Variants in DCC observed in about 807,000 individuals in gnomAD.
DCC encodes the protein DCC netrin 1 receptor, also known as netrin receptor DCC.
Under a neutral mutation model 172.5 loss-of-function variants are expected in DCC, and 58 were observed. The ratio of observed to expected loss-of-function variants is 0.34; its 90% CI spans 0.27 to 0.42. DCC has a LOEUF of 0.42. Ranked by LOEUF, DCC falls within the 10% of genes least tolerant of loss-of-function variation. DCC has a pLI of 1.00. For synonymous variants in DCC, 709 were observed against 644.5 expected, an observed-to-expected ratio of 1.10 and a Z score of -1.52; for missense variants, 1,740 against 1,791.0, an observed-to-expected ratio of 0.97 and a Z score of 0.51.
Position 53,336,975 on chromosome 18 carries a change from G to T in DCC, c.2165-2738G>T, listed in dbSNP as rs73467218. 5.6e-3 allele frequency among the ~76,000 whole-genome samples: 858 copies of T among 152,286 alleles called. 7 individuals carry two copies. Among genetic ancestry groups the T allele is most frequent in the African/African-American group, 0.02 (813 of 41,554 alleles). On this transcript the variant is annotated intron_variant, in intron 14 of 28. Coordinates refer to ENST00000442544, the MANE Select transcript of DCC (RefSeq NM_005215.4). Reference sequence around the variant, plus strand: ...TTTCTAATGTTAAAAATTATTTTGAGGCTTGCCTCTAGGATTGAAACATTT... The same window carrying T: ...TTTCTAATGTTAAAAATTATTTTGATGCTTGCCTCTAGGATTGAAACATTT...
At chr18:53,522,556 G>A (rs777837592) in intron 27 of DCC, among the ~76,000 whole-genome samples, 4 of 152,062 alleles carry the variant, frequency 2.6e-5, no homozygotes, top group South Asian at 2.1e-4. Flanking sequence ...GCATGGTACT[G>A]GTACCAAAAC....
At chr18:52,767,102 G>C (rs1332958360) in intron 2 of DCC, among the ~76,000 whole-genome samples, 1 of 150,688 alleles carries the variant, frequency 6.6e-6, no homozygotes, top group Non-Finnish European at 1.5e-5. Context: ...TCCCCATCTA[G>C]GTGGGCCCTC....
intron 14 of DCC, among the ~76,000 whole-genome samples, chr18:53,331,446 A>G (rs2057528800): frequency 6.6e-6 from 1 of 152,184 alleles, no homozygotes; most frequent in Non-Finnish European, 1.5e-5. Context: ...ACAAAGTTCT[A>G]GTGAGGTTTT....
At chr18:52,494,083 T>A (rs929594539) in intron 1 of DCC, among the ~76,000 whole-genome samples, 1 of 152,162 alleles carries the variant, frequency 6.6e-6, no homozygotes, top group African/African-American at 2.4e-5. Context: ...TCACTTTTGA[T>A]GGCTATTTTT....
At position 52,752,172 on chromosome 18, in the gene DCC, A is replaced by C. The variant is rs1038717902; in HGVS notation, c.210A>C (p.Pro70=). Residue 70 remains proline (P), a synonymous_variant, in exon 2 of 29, where the codon CCA becomes CCC. Transcript: ENST00000442544. Reference sequence around the variant, plus strand: ...CCGCGGAGTCCGACCGAGGAGTTCCAGTGATCAAGTGGAAGAAAGATGGCA... The same window carrying C: ...CCGCGGAGTCCGACCGAGGAGTTCCCGTGATCAAGTGGAAGAAAGATGGCA... ...DCSAESDRGV[P]VIKWKKDGIH... is the part of the protein sequence containing the mutation. 6.2e-7 allele frequency: 1 copy of C among 1,614,170 alleles called. No homozygotes were observed. The highest frequency in any genetic ancestry group is 8.5e-7 in the Non-Finnish European group (1 of 1,180,032).
At chr18:52,614,843 T>C (rs966675812) in intron 1 of DCC, among the ~76,000 whole-genome samples, 6 of 152,242 alleles carry the variant, frequency 3.9e-5, no homozygotes, top group Admixed American at 6.5e-5. Flanking sequence ...CAGGGGAACA[T>C]GAGACATTTG....
chr18:53,429,896 C>T (rs10163836), intron 21 of DCC, among the ~76,000 whole-genome samples: 65,635 of 151,872 alleles, frequency 0.43, 15,959 homozygotes, highest in Non-Finnish European at 0.56. Context: ...TAGTTCTTTT[C>T]TATTAAAATA....
chr18:52,549,623 G>A (rs778691690), intron 1 of DCC, among the ~76,000 whole-genome samples: 2 of 152,036 alleles, frequency 1.3e-5, no homozygotes, highest in Non-Finnish European at 2.9e-5. Flanking sequence ...TAAGGTAACT[G>A]ACCATGGTCT....
At chr18:53,294,864 C>T (rs772940596) in intron 12 of DCC, among the ~76,000 whole-genome samples, 17 of 152,238 alleles carry the variant, frequency 1.1e-4, no homozygotes, top group Admixed American at 3.3e-4. Flanking sequence ...GGCACTTTTA[C>T]GAGAACCAGG....
At chr18:52,630,637 A>G (rs1054050248) in intron 1 of DCC, among the ~76,000 whole-genome samples, 1 of 152,168 alleles carries the variant, frequency 6.6e-6, no homozygotes, top group Non-Finnish European at 1.5e-5. Flanking sequence ...ACAGACCTTT[A>G]TGACGGTGAG....
chr18:52,498,790 G>A (rs1224229144), intron 1 of DCC, among the ~76,000 whole-genome samples: 1 of 152,016 alleles, frequency 6.6e-6, no homozygotes, highest in Admixed American at 6.6e-5. Flanking sequence ...ACAGGATATA[G>A]AAAGAAACCT....
intron 12 of DCC, among the ~76,000 whole-genome samples, chr18:53,293,865 A>C (rs1049311682): frequency 6.6e-6 from 1 of 152,166 alleles, no homozygotes; most frequent in Non-Finnish European, 1.5e-5. Flanking sequence ...GGAAGTGTGC[A>C]AAATACTAGC....
intron 1 of DCC, among the ~76,000 whole-genome samples, chr18:52,547,797 A>G (rs2032658699): frequency 6.6e-6 from 1 of 152,138 alleles, no homozygotes; most frequent in African/African-American, 2.4e-5. Flanking sequence ...TACTAGGACA[A>G]TCATCGGGAC....
intron 3 of DCC, among the ~76,000 whole-genome samples, chr18:52,914,202 T>A (rs1309229480): frequency 2.0e-5 from 3 of 150,132 alleles, no homozygotes; most frequent in Non-Finnish European, 3.0e-5. Flanking sequence ...GCTGCAAAAT[T>A]AAAAAAAAAA....
At chr18:53,522,162 C>T (rs1481562165) in intron 27 of DCC, among the ~76,000 whole-genome samples, 1 of 151,936 alleles carries the variant, frequency 6.6e-6, no homozygotes, top group Non-Finnish European at 1.5e-5. Context: ...CCTAAAATAT[C>T]AACATGAATT....
chr18:52,470,827 T>A (rs1168141570), intron 1 of DCC, among the ~76,000 whole-genome samples: 1 of 152,344 alleles, frequency 6.6e-6, no homozygotes, highest in African/African-American at 2.4e-5. Flanking sequence ...TAGAATTAAA[T>A]GCTGAGGGCA....
At chr18:52,467,705 A>T (rs4438400) in intron 1 of DCC, among the ~76,000 whole-genome samples, 15,590 of 152,162 alleles carry the variant, frequency 0.1, 987 homozygotes, top group South Asian at 0.22. Flanking sequence ...CCTCTCCAGC[A>T]TCTGTTGTTT....
Position 53,215,676 on chromosome 18 carries a change from G to C in DCC, c.1911+79G>C, listed in dbSNP as rs139122378. 5.4e-4 allele frequency: 628 copies of C among 1,168,882 alleles called. 2 individuals are homozygous for C. In the African/African-American group the frequency reaches 8.4e-3, roughly 16 times the overall value. 72.4% of individuals were successfully genotyped at this position (1,168,882 alleles called of 1,614,324 possible). A position where few individuals can be genotyped will look rare whatever the true frequency, so the allele number is the denominator to read the frequency against. Reference sequence around the variant, plus strand: ...TATAACCTTCACTCACCCAACTGCTGTCTTGAGTACAGGATAGTGGCTTCC... The same window carrying C: ...TATAACCTTCACTCACCCAACTGCTCTCTTGAGTACAGGATAGTGGCTTCC... On this transcript the variant is annotated intron_variant, in intron 12 of 28. Transcript: ENST00000442544.
rs2054734769 is a variant in DCC, at chr18:53,156,413, G to T, written c.1262-943G>T. ...GCAGGAGAATCACTTGAACCTGGAG[G>T]CTGAGGTTTCAGTGAGCCAAGATCG... On this transcript the variant is annotated intron_variant, in intron 7 of 28. Transcript: ENST00000442544. Among the ~76,000 whole-genome samples, 3 of 151,970 alleles carry T rather than the reference G, an allele frequency of 2.0e-5. No individual in the cohort carries two copies. In the South Asian group the frequency reaches 6.2e-4, roughly 32 times the overall value.
Sources: allele counts gnomAD v4.1 joint callset (sites outside exome capture counted in the v4.1 genomes callset), GRCh38; gene constraint gnomAD v4.1.1; transcripts MANE v1.5; gene names NCBI Gene and HGNC (gene_info 2026-07-23, HGNC 2026-07-21).